The following WDPCP variants were observed in gnomAD, a reference collection of about 807,000 sequenced individuals.
WDPCP encodes the protein WD repeat-containing and planar cell polarity effector protein fritz homolog.
In WDPCP, 71 loss-of-function variants were observed where a neutral mutation model predicts 93.1. The ratio of observed to expected loss-of-function variants is 0.76; its 90% CI spans 0.63 to 0.93. WDPCP has a LOEUF of 0.93. Ranked by LOEUF, WDPCP falls within the 40% of genes least tolerant of loss-of-function variation. The pLI is 0.00. For synonymous variants in WDPCP, 315 were observed against 315.0 expected, an observed-to-expected ratio of 1.00 and a Z score of 0.00; for missense variants, 844 against 887.4, an observed-to-expected ratio of 0.95 and a Z score of 0.62.
chr2:63,392,010 T>G (rs1211475148), intron 10 of WDPCP, among the ~76,000 whole-genome samples: 1 of 152,194 alleles, frequency 6.6e-6, no homozygotes, highest in African/African-American at 2.4e-5. Context: ...ACCAATGACT[T>G]TCTTCACAGA....
chr2:63,452,839 G>A (rs1698352710), intron 6 of WDPCP, among the ~76,000 whole-genome samples: 1 of 152,116 alleles, frequency 6.6e-6, no homozygotes, highest in South Asian at 2.1e-4. Context: ...ACAAGAAATG[G>A]GGAAACAACT....
At chr2:63,198,971 C>G (rs1050448749) in intron 14 of WDPCP, among the ~76,000 whole-genome samples, 2 of 152,150 alleles carry the variant, frequency 1.3e-5, no homozygotes, top group Non-Finnish European at 2.9e-5. Flanking sequence ...TGGAAACTTA[C>G]TGGGAACTGG....
chr2:63,584,037 A>T (rs1456395770), intron 1 of WDPCP, among the ~76,000 whole-genome samples: 1 of 152,196 alleles, frequency 6.6e-6, no homozygotes, highest in Non-Finnish European at 1.5e-5. Context: ...GTTCATGCCT[A>T]TAATACCAGC....
intron 1 of WDPCP, among the ~76,000 whole-genome samples, chr2:63,533,563 A>C (rs1293474074): frequency 6.6e-6 from 1 of 152,194 alleles, no homozygotes; most frequent in Non-Finnish European, 1.5e-5. Context: ...GACTCGCTCA[A>C]AACTGCTCAA....
chr2:63,722,153 C>G (rs1271934991), intron 2 of WDPCP, among the ~76,000 whole-genome samples: 1 of 152,088 alleles, frequency 6.6e-6, no homozygotes, highest in Non-Finnish European at 1.5e-5. Context: ...GCCGCCACCC[C>G]GTCTGGGAAG....
At chr2:63,478,246 A>G (rs781426230) in intron 6 of WDPCP, among the ~76,000 whole-genome samples, 1 of 152,148 alleles carries the variant, frequency 6.6e-6, no homozygotes, top group Non-Finnish European at 1.5e-5. Context: ...TTAGCAAGGG[A>G]CTTCAATACT....
At chr2:63,235,537 C>A (rs1326654046) in intron 14 of WDPCP, among the ~76,000 whole-genome samples, 2 of 152,090 alleles carry the variant, frequency 1.3e-5, no homozygotes, top group Non-Finnish European at 2.9e-5. Flanking sequence ...CTGGCAAAGA[C>A]ACAATGAAAA....
the WDPCP span, among the ~76,000 whole-genome samples, chr2:63,835,222 A>AC: frequency 6.6e-6 from 1 of 151,494 alleles, no homozygotes; most frequent in Admixed American, 6.6e-5. Flanking sequence ...CCCTGTCTCT[A>AC]CCAAAAAAAA....
Position 63,494,957 on chromosome 2 carries a change from T to C in WDPCP, c.76-2017A>G, listed in dbSNP as rs1404627285. Reference sequence around the variant, plus strand: ...AAAAAAAAAGATGGCATGACCCAAGTATGACAGTAGATTAAAGTGCACAGT... The same window carrying C: ...AAAAAAAAAGATGGCATGACCCAAGCATGACAGTAGATTAAAGTGCACAGT... On this transcript the variant is annotated intron_variant, in intron 1 of 17. Coordinates refer to ENST00000272321, the MANE Select transcript of WDPCP (RefSeq NM_015910.7). Among the ~76,000 whole-genome samples the C allele has an allele frequency of 3.4e-5, 5 of 148,690 alleles. No homozygotes were observed. In the East Asian group the frequency reaches 9.8e-4, roughly 29 times the overall value.
chr2:63,741,520 T>C (rs1669713262), intron 2 of WDPCP, among the ~76,000 whole-genome samples: 1 of 152,148 alleles, frequency 6.6e-6, no homozygotes, highest in South Asian at 2.1e-4. Flanking sequence ...TTGCCTACTT[T>C]GAATGATTTC....
At chr2:63,697,290 T>C (rs1668973931) in intron 2 of WDPCP, among the ~76,000 whole-genome samples, 1 of 152,152 alleles carries the variant, frequency 6.6e-6, no homozygotes, top group African/African-American at 2.4e-5. Flanking sequence ...ATTTTACAGA[T>C]GAGGAATTTG....
chr2:63,141,083 AC>A (rs1671025071), intron 17 of WDPCP, among the ~76,000 whole-genome samples: 1 of 148,162 alleles, frequency 6.7e-6, no homozygotes, highest in Admixed American at 6.7e-5. Flanking sequence ...TGTGATTTTT[AC>A]TTTTTTTTTT....
intron 6 of WDPCP, among the ~76,000 whole-genome samples, chr2:63,449,512 C>T (rs1242356521): frequency 1.3e-5 from 2 of 152,018 alleles, no homozygotes; most frequent in Non-Finnish European, 2.9e-5. Flanking sequence ...AGCAAGTGGC[C>T]ACCTCATCCA....
chr2:63,599,134 A>G, intron 3 of WDPCP: 1 of 1,603,476 alleles, frequency 6.2e-7, no homozygotes, highest in Non-Finnish European at 8.5e-7. Context: ...GTAACTATAT[A>G]GTCTGTAACT....
intron 16 of WDPCP, 46 bp downstream of exon 16, chr2:63,153,449 T>C (rs761465635): frequency 4.8e-6 from 7 of 1,443,984 alleles, no homozygotes; most frequent in Non-Finnish European, 6.8e-6. Flanking sequence ...TATAACATAG[T>C]TTTTCTGTTA....
chr2:63,337,012 G>A (rs1465816797), intron 12 of WDPCP, among the ~76,000 whole-genome samples: 1 of 150,628 alleles, frequency 6.6e-6, no homozygotes, highest in African/African-American at 2.4e-5. Flanking sequence ...TCCTGCCTCG[G>A]CCTCCTGAGT....
rs116084591 is a variant in WDPCP at position 63,370,097 on chromosome 2, T to C, written c.1748+8289A>G. On this transcript the variant is annotated intron_variant, in intron 12 of 17. Transcript: ENST00000272321. ...TCGAGTTATTTATACCTATATTATGTCAATTTTGTTTGGTATCTTAATTTA... is the reference window on the plus strand; with the variant it reads ...TCGAGTTATTTATACCTATATTATGCCAATTTTGTTTGGTATCTTAATTTA... Among the ~76,000 whole-genome samples, 1,378 of 152,276 alleles carry C rather than the reference T, an allele frequency of 9.0e-3. 13 individuals are homozygous for C. Among genetic ancestry groups the C allele is most frequent in the Admixed American group, 0.015 (233 of 15,282 alleles).
rs768915244 is a variant in WDPCP at position 63,595,535 on chromosome 2, G to A, written n.488+55124C>T. 5.4e-6 allele frequency: 8 copies of A among 1,478,658 alleles called. No homozygotes were observed. The East Asian group carries it at 1.4e-4, about 25-fold the overall frequency. 91.6% of individuals were successfully genotyped at this position (1,478,658 alleles called of 1,614,324 possible). On this transcript the variant is annotated intron_variant and non_coding_transcript_variant, in intron 3 of 4. Coordinates refer to the WDPCP transcript ENST00000467687. ...CTCCTGAAAGGTGGGTTGGGGAGTA[G>A]AGAAGGGATTTTATGGTATTTGATT...
At chr2:63,597,330 C>A in intron 3 of WDPCP, 1 of 1,306,816 alleles carries the variant, frequency 7.7e-7, no homozygotes, top group South Asian at 3.2e-5. Context: ...TGGGTAGATT[C>A]AATATGAAAA....
Sources: allele counts gnomAD v4.1 joint callset (sites outside exome capture counted in the v4.1 genomes callset), GRCh38; gene constraint gnomAD v4.1.1; transcripts MANE v1.5; gene names NCBI Gene and HGNC (gene_info 2026-07-23, HGNC 2026-07-21).